GRM7: variants seen among roughly 807,000 people sequenced by gnomAD.
The protein encoded by GRM7 is metabotropic glutamate receptor 7.
Under a neutral mutation model 84.5 loss-of-function variants are expected in GRM7, and 35 were observed. That is an observed-to-expected ratio of 0.41 (90% CI 0.32 to 0.55). The LOEUF (loss-of-function observed/expected upper bound fraction) is 0.55. Ranked by LOEUF, GRM7 falls within the 20% of genes least tolerant of loss-of-function variation. The pLI is 0.19. For synonymous variants in GRM7, 487 were observed against 455.1 expected (o/e 1.07, Z -0.89); for missense variants, 1,003 against 1,194.6 (o/e 0.84, Z 2.36).
intron 7 of GRM7, among the ~76,000 whole-genome samples, chr3:7,475,689 A>G (rs1312596392): frequency 2.6e-5 from 4 of 152,192 alleles, no homozygotes; most frequent in African/African-American, 4.8e-5. Context: ...GATTTGCTTT[A>G]TAGTCATTAC....
At chr3:7,421,074 T>C (rs542573181) in intron 5 of GRM7, among the ~76,000 whole-genome samples, 2 of 152,310 alleles carry the variant, frequency 1.3e-5, no homozygotes, top group Admixed American at 6.5e-5. Flanking sequence ...AAATAGACTT[T>C]AGTGTAACAT....
intron 1 of GRM7, among the ~76,000 whole-genome samples, chr3:6,896,396 T>C (rs998781760): frequency 1.3e-5 from 2 of 152,224 alleles, no homozygotes; most frequent in African/African-American, 4.8e-5. Context: ...GAACATTTGA[T>C]TTTCAGGTGA....
chr3:7,172,126 T>G (rs904342340), intron 2 of GRM7, among the ~76,000 whole-genome samples: 1 of 152,128 alleles, frequency 6.6e-6, no homozygotes, highest in Non-Finnish European at 1.5e-5. Flanking sequence ...TAATACAGTG[T>G]CAGTAAGATA....
intron 2 of GRM7, among the ~76,000 whole-genome samples, chr3:7,180,226 G>A (rs528179736): frequency 6.6e-5 from 10 of 152,256 alleles, no homozygotes; most frequent in African/African-American, 2.4e-4. Flanking sequence ...CTTGCTTTTC[G>A]AACTGTTGAC....
chr3:7,687,210 C>T (rs1485005977), intron 9 of GRM7, among the ~76,000 whole-genome samples: 1 of 152,050 alleles, frequency 6.6e-6, no homozygotes, highest in African/African-American at 2.4e-5. Flanking sequence ...CAAAGGTGTT[C>T]AAATAAATAG....
intron 1 of GRM7, among the ~76,000 whole-genome samples, chr3:6,874,736 A>G (rs1695241380): frequency 2.0e-5 from 3 of 152,214 alleles, no homozygotes; most frequent in Admixed American, 2.0e-4. Context: ...CTGTGAGAGT[A>G]GAGAAGCTTC....
At chr3:7,531,104 C>A (rs2125004427) in intron 7 of GRM7, among the ~76,000 whole-genome samples, 1 of 152,234 alleles carries the variant, frequency 6.6e-6, no homozygotes, top group East Asian at 1.9e-4. Flanking sequence ...TTTAATCAAT[C>A]TTGAGTTAAT....
chr3:7,489,092 G>A (rs1699428165), intron 7 of GRM7, among the ~76,000 whole-genome samples: 1 of 151,990 alleles, frequency 6.6e-6, no homozygotes, highest in East Asian at 1.9e-4. Flanking sequence ...CTCTGTGAGG[G>A]AGATACATCT....
chr3:7,081,746 C>T (rs1574876159), intron 1 of GRM7, among the ~76,000 whole-genome samples: 1 of 152,112 alleles, frequency 6.6e-6, no homozygotes, highest in African/African-American at 2.4e-5. Flanking sequence ...ACTACTACTG[C>T]AGTGAACACA....
At chr3:7,452,890 A>T in intron 6 of GRM7, 83 bp downstream of exon 6, 2 of 819,690 alleles carry the variant, frequency 2.4e-6, no homozygotes, top group Non-Finnish European at 3.9e-6. Flanking sequence ...ATTATTATTT[A>T]CTTTAAAATA....
intron 9 of GRM7, among the ~76,000 whole-genome samples, chr3:7,701,486 G>A (rs977646171): frequency 1.3e-5 from 2 of 151,932 alleles, no homozygotes; most frequent in African/African-American, 4.8e-5. Flanking sequence ...GTATGTTTTA[G>A]TAGAGACAGG....
At chr3:7,324,430 C>G (rs1399583509) in intron 4 of GRM7, among the ~76,000 whole-genome samples, 1 of 152,138 alleles carries the variant, frequency 6.6e-6, no homozygotes, top group Non-Finnish European at 1.5e-5. Context: ...TGACTTTTCC[C>G]TGGACCTGCT....
chr3:7,449,314 A>G (rs1356463090), intron 5 of GRM7, among the ~76,000 whole-genome samples: 2 of 152,126 alleles, frequency 1.3e-5, no homozygotes, highest in African/African-American at 2.4e-5. Context: ...TTTAAACACT[A>G]TTGAGAGAAG....
At chr3:6,897,215 A>G (rs1696215905) in intron 1 of GRM7, among the ~76,000 whole-genome samples, 1 of 152,162 alleles carries the variant, frequency 6.6e-6, no homozygotes, top group Non-Finnish European at 1.5e-5. Flanking sequence ...TTCTTTAGTT[A>G]TTGTGTATGG....
chr3:7,262,140 A>T (rs1160999964), intron 2 of GRM7, among the ~76,000 whole-genome samples: 23 of 147,718 alleles, frequency 1.6e-4, no homozygotes, highest in Admixed American at 1.4e-3. Context: ...TCTGATGGTT[A>T]TGTGTCTTAG....
At chr3:7,238,839 C>A (rs1352511372) in intron 2 of GRM7, among the ~76,000 whole-genome samples, 1 of 149,762 alleles carries the variant, frequency 6.7e-6, no homozygotes, top group African/African-American at 2.5e-5. Flanking sequence ...CTCCCCTCCC[C>A]TCCCCTCTTC....
rs117199931 is a variant in GRM7, at chr3:7,074,151, G to A, written c.520-72301G>A. ...AAATATTTTTCATGTGTTCTCAGGAGTTTACATGTGTTGTCTCACTCAGTC... is the reference window on the plus strand; with the variant it reads ...AAATATTTTTCATGTGTTCTCAGGAATTTACATGTGTTGTCTCACTCAGTC... On this transcript the variant is annotated intron_variant, in intron 1 of 9. Coordinates refer to ENST00000357716, the MANE Select transcript of GRM7 (RefSeq NM_000844.4). 3.2e-3 allele frequency among the ~76,000 whole-genome samples: 494 copies of A among 152,244 alleles called. 11 individuals are homozygous for A. The highest frequency in any genetic ancestry group is 0.029 in the East Asian group (148 of 5,170).
intron 2 of GRM7, among the ~76,000 whole-genome samples, chr3:7,267,826 T>G (rs962643305): frequency 1.6e-4 from 24 of 152,134 alleles, no homozygotes; most frequent in Non-Finnish European, 3.2e-4. Context: ...TGCCTGAGGG[T>G]TGGTTTCCTG....
chr3:6,880,007 G>A (rs1695449105), intron 1 of GRM7, among the ~76,000 whole-genome samples: 1 of 152,126 alleles, frequency 6.6e-6, no homozygotes, highest in South Asian at 2.1e-4. Context: ...ATTTAAAAGG[G>A]GATGTGGAGC....
Sources: allele counts gnomAD v4.1 joint callset (sites outside exome capture counted in the v4.1 genomes callset), GRCh38; gene constraint gnomAD v4.1.1; transcripts MANE v1.5; gene names NCBI Gene and HGNC (gene_info 2026-07-23, HGNC 2026-07-21).